The following SLC71A2 variants were observed in gnomAD, a reference collection of about 807,000 sequenced individuals.
SLC71A2 encodes solute carrier family 71 member 2.
the SLC71A2 span, chr9:94,460,938 T>TG: frequency 6.6e-6 from 1 of 152,114 alleles, no homozygotes; most frequent in Non-Finnish European, 1.5e-5. Context: ...TGTCTTTTTT[T>TG]TAAAGCAAAT....
At chr9:94,384,453 CCTCAGCCTCCCAA>C in the SLC71A2 span, among the ~76,000 whole-genome samples, 22 of 152,002 alleles carry the variant, frequency 1.4e-4, no homozygotes, top group African/African-American at 4.6e-4. Context: ...GATCCTCCCA[CCTCAGCCTCCCAA>C]GTAGCTGAGA....
chr9:94,440,040 G>T, the SLC71A2 span, among the ~76,000 whole-genome samples: 1 of 152,044 alleles, frequency 6.6e-6, no homozygotes, highest in African/African-American at 2.4e-5. Context: ...TGTTAAGCTG[G>T]TTTTTAGACT....
chr9:94,418,435 G>A, the SLC71A2 span, among the ~76,000 whole-genome samples: 911 of 152,022 alleles, frequency 6.0e-3, 7 homozygotes, highest in African/African-American at 0.02. Flanking sequence ...TATTCACTGA[G>A]TGATTCACAT....
chr9:94,417,654 C>G, the SLC71A2 span, among the ~76,000 whole-genome samples: 1 of 152,266 alleles, frequency 6.6e-6, no homozygotes, highest in South Asian at 2.1e-4. Flanking sequence ...AAAAACCCAA[C>G]TCTGTGATAG....
At chr9:94,417,408 GC>G in the SLC71A2 span, among the ~76,000 whole-genome samples, 1 of 152,114 alleles carries the variant, frequency 6.6e-6, no homozygotes, top group East Asian at 1.9e-4. Context: ...CAGGTGGATC[GC>G]TTGAGGATGG....
the SLC71A2 span, among the ~76,000 whole-genome samples, chr9:94,420,596 T>C: frequency 1.6e-5 from 2 of 123,562 alleles, no homozygotes; most frequent in African/African-American, 7.0e-5. Context: ...TTTATAATAC[T>C]TTTTTTTTTT....
the SLC71A2 span, among the ~76,000 whole-genome samples, chr9:94,445,769 G>GA: frequency 2.6e-5 from 4 of 150,996 alleles, no homozygotes; most frequent in Admixed American, 6.6e-5. Context: ...TGTTCTTGGG[G>GA]AAAAAAAAAG....
At chr9:94,456,311 C>CT in the SLC71A2 span, 1 of 1,614,130 alleles carries the variant, frequency 6.2e-7, no homozygotes, top group Non-Finnish European at 8.5e-7. Flanking sequence ...GCCCTCGTCT[C>CT]TCGGAATGCA....
chr9:94,459,608 C>CTGTT, the SLC71A2 span: 4 of 554,582 alleles, frequency 7.2e-6, no homozygotes, highest in South Asian at 5.1e-5. Flanking sequence ...TTTTTTTTTC[C>CTGTT]TGTTTATACA....
At chr9:94,454,739 G>T in the SLC71A2 span, among the ~76,000 whole-genome samples, 11 of 151,964 alleles carry the variant, frequency 7.2e-5, no homozygotes, top group African/African-American at 2.7e-4. Flanking sequence ...GACTGATTAT[G>T]GCAAGCTTCA....
At chr9:94,435,617 C>G in the SLC71A2 span, among the ~76,000 whole-genome samples, 1 of 150,066 alleles carries the variant, frequency 6.7e-6, no homozygotes, top group Non-Finnish European at 1.5e-5. Context: ...ACTCACTTTT[C>G]CACCAGAATT....
chr9:94,441,715 G>GT, the SLC71A2 span, among the ~76,000 whole-genome samples: 1 of 151,934 alleles, frequency 6.6e-6, no homozygotes, highest in Non-Finnish European at 1.5e-5. Context: ...GTGGTTGTGT[G>GT]TTTTGGACAT....
chr9:94,395,443 GC>G, the SLC71A2 span, among the ~76,000 whole-genome samples: 29,950 of 151,252 alleles, frequency 0.2, 3,132 homozygotes, highest in African/African-American at 0.28. Context: ...ATTTATTATT[GC>G]ACATAAGAAC....
chr9:94,442,287 G>C, the SLC71A2 span, among the ~76,000 whole-genome samples: 1 of 152,084 alleles, frequency 6.6e-6, no homozygotes, highest in Non-Finnish European at 1.5e-5. Context: ...ATATAAATGG[G>C]TTACTACTAT....
At chr9:94,410,976 G>A in the SLC71A2 span, among the ~76,000 whole-genome samples, 1 of 152,114 alleles carries the variant, frequency 6.6e-6, no homozygotes, top group Non-Finnish European at 1.5e-5. Flanking sequence ...ATGTTGGCCA[G>A]GCTGGTCCTG....
the SLC71A2 span, among the ~76,000 whole-genome samples, chr9:94,397,202 G>T: frequency 6.6e-6 from 1 of 152,020 alleles, no homozygotes; most frequent in African/African-American, 2.4e-5. Context: ...CAGAAAAATT[G>T]CAGATAGCAT....
chr9:94,459,534 A>AT, the SLC71A2 span: 1 of 917,004 alleles, frequency 1.1e-6, no homozygotes, highest in Non-Finnish European at 1.6e-6. Context: ...GCCAAGTTTG[A>AT]TAAATACCAC....
chr9:94,458,293 C>G, the SLC71A2 span: 1 of 1,588,108 alleles, frequency 6.3e-7, no homozygotes, highest in South Asian at 1.2e-5. Flanking sequence ...TCTGAGAAGA[C>G]TGGCATTATT....
chr9:94,445,554 GA>G, the SLC71A2 span, among the ~76,000 whole-genome samples: 1 of 152,178 alleles, frequency 6.6e-6, no homozygotes, highest in Non-Finnish European at 1.5e-5. Flanking sequence ...TGGTTTGAAT[GA>G]GTTATTTTAA....
Sources: gnomAD v4.1 joint callset for allele counts (sites outside exome capture counted in the v4.1 genomes callset) on GRCh38, gnomAD v4.1.1 for gene constraint, MANE v1.5 for transcripts, NCBI Gene and HGNC (gene_info 2026-07-23, HGNC 2026-07-21) for gene names.